ACYP2: variants seen among roughly 807,000 people sequenced by gnomAD.
ACYP2 encodes the protein acylphosphatase-2.
A neutral mutation model predicts 11.2 loss-of-function variants in ACYP2; 12 were observed. The ratio of observed to expected loss-of-function variants is 1.08; its 90% CI spans 0.69 to 1.74. ACYP2 has a LOEUF of 1.74. Among genes scored for constraint, ACYP2 ranks in the 40% most tolerant of loss-of-function variants. The pLI is 0.00. For missense variants in ACYP2, 134 were observed against 101.9 expected (o/e 1.31, Z -1.35); for synonymous variants, 43 against 32.2 (o/e 1.33, Z -1.13).
At chr2:53,990,652 CAAAAAAAAAAAAAAAG>C (rs1672244759) in intron 2 of ACYP2, among the ~76,000 whole-genome samples, 1 of 49,576 alleles carries the variant, frequency 2.0e-5, no homozygotes, top group South Asian at 7.5e-4. Context: ...TCCGTCTTAC[CAAAAAAAAAAAAAAAG>C]AAAAAAAAAG....
chr2:54,082,783 G>C (rs1677735968), intron 4 of ACYP2: 1 of 152,136 alleles, frequency 6.6e-6, no homozygotes, highest in African/African-American at 2.4e-5. Context: ...GTAGGACTGA[G>C]AAGTGGTCAT....
intron 6 of ACYP2, among the ~76,000 whole-genome samples, chr2:54,173,144 C>A (rs1329503784): frequency 6.6e-6 from 1 of 152,248 alleles, no homozygotes; most frequent in Non-Finnish European, 1.5e-5. Context: ...AATGGTTGAA[C>A]TAATTTACAC....
At chr2:54,031,511 A>C (rs1393755014) in intron 2 of ACYP2, among the ~76,000 whole-genome samples, 1 of 152,026 alleles carries the variant, frequency 6.6e-6, no homozygotes, top group Non-Finnish European at 1.5e-5. Flanking sequence ...ACATTTTCTT[A>C]ATCCAGTCTA....
chr2:54,165,720 T>G (rs1682940514), intron 6 of ACYP2, among the ~76,000 whole-genome samples: 1 of 152,142 alleles, frequency 6.6e-6, no homozygotes, highest in South Asian at 2.1e-4. Context: ...GGAGACTGGG[T>G]GCCAGGAGAG....
intron 6 of ACYP2, among the ~76,000 whole-genome samples, chr2:54,278,952 G>T (rs1372779625): frequency 6.6e-6 from 1 of 152,208 alleles, no homozygotes; most frequent in Non-Finnish European, 1.5e-5. Flanking sequence ...GTGGCTCCAT[G>T]CAGGGCCATG....
At chr2:54,181,102 C>G (rs985553098) in intron 6 of ACYP2, among the ~76,000 whole-genome samples, 1 of 152,156 alleles carries the variant, frequency 6.6e-6, no homozygotes, top group Non-Finnish European at 1.5e-5. Flanking sequence ...ACATATTTAT[C>G]AAGAAACTAC....
At chr2:54,246,308 A>G (rs1177994984) in intron 6 of ACYP2, among the ~76,000 whole-genome samples, 1 of 152,016 alleles carries the variant, frequency 6.6e-6, no homozygotes, top group Non-Finnish European at 1.5e-5. Context: ...TACTGTAGTT[A>G]TAATTAATTG....
At chr2:54,143,186 G>T (rs1366585870) in intron 6 of ACYP2, 1 of 152,198 alleles carries the variant, frequency 6.6e-6, no homozygotes, top group Non-Finnish European at 1.5e-5. Context: ...AATAGCCATA[G>T]CAGGCATGCC....
chr2:54,079,844 T>C (rs1000269017), intron 4 of ACYP2: 1 of 152,216 alleles, frequency 6.6e-6, no homozygotes, highest in African/African-American at 2.4e-5. Flanking sequence ...CTACAAATTT[T>C]GAAAAGGTGT....
At chr2:54,286,997 C>G (rs1361619422) in intron 6 of ACYP2, among the ~76,000 whole-genome samples, 3 of 151,808 alleles carry the variant, frequency 2.0e-5, no homozygotes, top group Admixed American at 6.6e-5. Context: ...ATAAAATTAC[C>G]CTGGTGATTT....
intron 6 of ACYP2, among the ~76,000 whole-genome samples, chr2:54,201,678 C>CTT (rs797005111): frequency 2.0e-5 from 2 of 97,884 alleles, no homozygotes; most frequent in African/African-American, 4.0e-5. Context: ...TTCTTTCTTT[C>CTT]TTTCTCTCTC....
At chr2:54,083,560 G>A (rs924130931) in intron 4 of ACYP2, among the ~76,000 whole-genome samples, 1 of 151,800 alleles carries the variant, frequency 6.6e-6, no homozygotes, top group Non-Finnish European at 1.5e-5. Context: ...AGCAAACAGG[G>A]TGATGGGAAA....
intron 4 of ACYP2, among the ~76,000 whole-genome samples, chr2:54,071,984 C>T (rs1181372434): frequency 1.3e-5 from 2 of 152,004 alleles, no homozygotes; most frequent in Admixed American, 6.6e-5. Flanking sequence ...GCACTCCAGC[C>T]TGGGAGACAG....
At chr2:54,270,153 TTA>T (rs1436478069) in intron 6 of ACYP2, among the ~76,000 whole-genome samples, 1 of 152,214 alleles carries the variant, frequency 6.6e-6, no homozygotes, top group Non-Finnish European at 1.5e-5. Flanking sequence ...TGTTTCCTAA[TTA>T]TGTTTCCCTT....
chr2:54,051,452 T>C (rs1675862441), intron 3 of ACYP2: 1 of 693,220 alleles, frequency 1.4e-6, no homozygotes, highest in Non-Finnish European at 2.6e-6. Context: ...CCTAAACGGG[T>C]GACAAAAAAG....
At chr2:54,083,632 AC>A (rs1677788134) in intron 4 of ACYP2, among the ~76,000 whole-genome samples, 1 of 152,312 alleles carries the variant, frequency 6.6e-6, no homozygotes, top group African/African-American at 2.4e-5. Context: ...GACTCTCTAC[AC>A]AAACATGTTA....
intron 2 of ACYP2, among the ~76,000 whole-genome samples, chr2:53,979,492 G>T (rs2104508885): frequency 6.6e-6 from 1 of 151,492 alleles, no homozygotes; most frequent in South Asian, 2.1e-4. Flanking sequence ...CCAGGCATGG[G>T]GGTATGCACC....
rs114269124 is a variant in ACYP2 at position 54,033,432 on chromosome 2, C to T, written c.63-17526C>T. On this transcript the variant is annotated intron_variant, in intron 2 of 6. Transcript: ENST00000607452. ...CCCACTGTGTTGCCCAGGCTGGTCT[C>T]GAACTCTTGGGCTCAAGCAAACTTC... 9.3e-3 allele frequency among the ~76,000 whole-genome samples: 1,406 copies of T among 151,722 alleles called. 10 individuals are homozygous for T. The highest frequency in any genetic ancestry group is 0.027 in the Middle Eastern group (8 of 292).
At chr2:54,248,982 G>T (rs1687083019) in intron 6 of ACYP2, among the ~76,000 whole-genome samples, 1 of 152,074 alleles carries the variant, frequency 6.6e-6, no homozygotes. Context: ...ACAGAATCGG[G>T]ACTGTACATG....
Sources: allele counts gnomAD v4.1 joint callset (sites outside exome capture counted in the v4.1 genomes callset), GRCh38; gene constraint gnomAD v4.1.1; transcripts MANE v1.5; gene names NCBI Gene and HGNC (gene_info 2026-07-23, HGNC 2026-07-21).